Variants in PLB1 observed in about 807,000 individuals in gnomAD.
PLB1 encodes phospholipase B1, membrane-associated.
PLB1 carries 242 observed loss-of-function variants against 227.4 expected under a neutral mutation model. The observed-to-expected ratio is 1.06, with a 90% CI of 0.96 to 1.18. The LOEUF (loss-of-function observed/expected upper bound fraction) is 1.18. PLB1 is among the 50% of genes most tolerant of loss of function. The pLI is 0.00. For synonymous variants in PLB1, 757 were observed against 682.2 expected, an observed-to-expected ratio of 1.11 and a Z score of -1.71; for missense variants, 1,858 against 1,816.3, an observed-to-expected ratio of 1.02 and a Z score of -0.42.
At chr2:28,509,736 T>C (rs1041028629) in intron 1 of PLB1, among the ~76,000 whole-genome samples, 2 of 152,214 alleles carry the variant, frequency 1.3e-5, no homozygotes, top group African/African-American at 4.8e-5. Context: ...CATATATCCA[T>C]GGGCTTGATG....
At chr2:28,588,865 C>G (rs1457263834) in intron 26 of PLB1, among the ~76,000 whole-genome samples, 2 of 152,218 alleles carry the variant, frequency 1.3e-5, no homozygotes, top group East Asian at 3.9e-4. Context: ...ATCAGAATAG[C>G]TTTAAAAGAA....
At position 28,497,018 on chromosome 2, in the gene PLB1, C is replaced by T. The variant is rs192861715; in HGVS notation, c.55+849C>T. ...GGGCAAGTCAGTTACCGCTCTGAGC[C>T]GTGGGGGAGAATGACGATGCTTGCT... is the stretch of plus-strand genomic sequence containing the variant. On this transcript the variant is annotated intron_variant, in intron 1 of 57. Transcript: ENST00000327757. Among the ~76,000 whole-genome samples, 12 of 152,268 alleles carry T rather than the reference C, an allele frequency of 7.9e-5. No individual in the cohort carries two copies. The South Asian group carries it at 1.4e-3, about 18-fold the overall frequency.
At chr2:28,640,588 CAAAG>C (rs1329566141) in intron 56 of PLB1, among the ~76,000 whole-genome samples, 4 of 152,194 alleles carry the variant, frequency 2.6e-5, no homozygotes, top group Non-Finnish European at 5.9e-5. Flanking sequence ...CAGCCACTCA[CAAAG>C]GAAGCCAGAG....
At chr2:28,573,378 G>T in intron 21 of PLB1, 73 bp downstream of exon 21, 2 of 1,129,346 alleles carry the variant, frequency 1.8e-6, no homozygotes, top group Admixed American at 1.8e-5. Flanking sequence ...GCCTAAACTG[G>T]GTTTATGGCT....
At chr2:28,562,298 C>T (rs1676173335) in intron 17 of PLB1, among the ~76,000 whole-genome samples, 1 of 152,010 alleles carries the variant, frequency 6.6e-6, no homozygotes, top group Non-Finnish European at 1.5e-5. Context: ...AATCCCAGCA[C>T]TTTGGGAGGC....
In PLB1 at chr2:28,590,040, G is replaced by A; in HGVS notation, c.2052G>A (p.Lys684=). The A allele has an allele frequency of 6.2e-7, 1 of 1,613,856 alleles. No individual in the cohort carries two copies. Among genetic ancestry groups the A allele is most frequent in the Non-Finnish European group, 8.5e-7 (1 of 1,179,798 alleles). ...TTGGCCAGAAGACGACTCGTCATAAGTTTGAAAACAAGATCAATATCACAT... is the reference window on the plus strand; with the variant it reads ...TTGGCCAGAAGACGACTCGTCATAAATTTGAAAACAAGATCAATATCACAT... ...EPVGQKTTRH[K]FENKINITCP... The change falls in exon 29 of 58, where the codon AAG becomes AAA. Residue 684 remains lysine (K), a synonymous_variant. Transcript: ENST00000327757.
chr2:28,552,703 C>A (rs977545293), intron 16 of PLB1, among the ~76,000 whole-genome samples: 2 of 152,126 alleles, frequency 1.3e-5, no homozygotes, highest in African/African-American at 4.8e-5. Flanking sequence ...AAGGCCTGAA[C>A]TTAGGTGGAG....
intron 6 of PLB1, among the ~76,000 whole-genome samples, chr2:28,527,092 C>T (rs921791108): frequency 6.6e-6 from 1 of 152,074 alleles, no homozygotes; most frequent in Non-Finnish European, 1.5e-5. Flanking sequence ...AAAAAAGAAG[C>T]GGCTTGTTTG....
intron 13 of PLB1, 133 bp downstream of exon 13, chr2:28,541,944 C>G (rs1410665368): frequency 1.5e-6 from 1 of 687,542 alleles, no homozygotes; most frequent in Non-Finnish European, 2.5e-6. Context: ...ACCAACCCAG[C>G]CAACATGGTG....
intron 17 of PLB1, among the ~76,000 whole-genome samples, chr2:28,557,591 T>C (rs1357618912): frequency 1.3e-5 from 2 of 152,166 alleles, no homozygotes; most frequent in Non-Finnish European, 2.9e-5. Context: ...TACAGTCTAG[T>C]GTGCAATTTC....
At chr2:28,541,316 A>C (rs1339144683) in intron 12 of PLB1, among the ~76,000 whole-genome samples, 1 of 152,226 alleles carries the variant, frequency 6.6e-6, no homozygotes, top group African/African-American at 2.4e-5. Flanking sequence ...AGAAAATTGC[A>C]TTTGAAGTTG....
At chr2:28,620,411 C>G in intron 47 of PLB1, 79 bp downstream of exon 47, 1 of 1,424,242 alleles carries the variant, frequency 7.0e-7, no homozygotes, top group Non-Finnish European at 9.5e-7. Flanking sequence ...TGTCACCCCT[C>G]CAGGGATGCA....
At chr2:28,601,159 A>G (rs747976674) in intron 36 of PLB1, 93 bp from the exon 37 acceptor site, 1 of 1,061,680 alleles carries the variant, frequency 9.4e-7, no homozygotes, top group Non-Finnish European at 1.4e-6. Flanking sequence ...CAAGTGGGCA[A>G]GGATGTTATA....
At chr2:28,598,083 G>A in intron 34 of PLB1, 35 bp downstream of exon 34, 1 of 1,585,876 alleles carries the variant, frequency 6.3e-7, no homozygotes, top group Non-Finnish European at 8.6e-7. Flanking sequence ...TCTGTCTACT[G>A]TTCCACCCAT....
chr2:28,629,307 CAG>C, intron 53 of PLB1, 122 bp downstream of exon 53: 2 of 768,364 alleles, frequency 2.6e-6, no homozygotes, highest in Non-Finnish European at 4.1e-6. Flanking sequence ...AGACATGGCT[CAG>C]GGGCTTGGAC....
intron 51 of PLB1, among the ~76,000 whole-genome samples, chr2:28,627,413 G>A (rs924373545): frequency 1.3e-5 from 2 of 152,196 alleles, no homozygotes; most frequent in African/African-American, 4.8e-5. Flanking sequence ...CTAGTCCCAG[G>A]ATGTGTGTTC....
At chr2:28,601,441 T>A in intron 37 of PLB1, 109 bp downstream of exon 37, 1 of 788,396 alleles carries the variant, frequency 1.3e-6, no homozygotes, top group Non-Finnish European at 2.2e-6. Flanking sequence ...ATTATCCACC[T>A]ACACCTATGT....
chr2:28,620,570 A>G, intron 47 of PLB1, 30 bp from the exon 48 acceptor site: 1 of 1,599,812 alleles, frequency 6.3e-7, no homozygotes, highest in Non-Finnish European at 8.5e-7. Flanking sequence ...TGTTGGTGTG[A>G]GTTTAACAAA....
chr2:28,562,540 CA>C (rs60393903), intron 17 of PLB1, among the ~76,000 whole-genome samples: 607 of 42,602 alleles, frequency 0.014, 33 homozygotes, highest in African/African-American at 0.058. Context: ...GACTCTGTCT[CA>C]AAAAAAAAAA....
Sources: gnomAD v4.1 joint callset for allele counts (sites outside exome capture counted in the v4.1 genomes callset) on GRCh38, gnomAD v4.1.1 for gene constraint, MANE v1.5 for transcripts, NCBI Gene and HGNC (gene_info 2026-07-23, HGNC 2026-07-21) for gene names.